The following CRISPLD2 variants were observed in gnomAD, a reference collection of about 807,000 sequenced individuals.
CRISPLD2 encodes cysteine rich secretory protein LCCL domain containing 2, also known as cysteine-rich secretory protein LCCL domain-containing 2.
Under a neutral mutation model 71.1 loss-of-function variants are expected in CRISPLD2, and 47 were observed. That is an observed-to-expected ratio of 0.66 (90% CI 0.52 to 0.84). The LOEUF (loss-of-function observed/expected upper bound fraction) is 0.84. CRISPLD2 is among the 40% of genes least tolerant of loss of function. The probability of loss-of-function intolerance (pLI) is 0.00; values close to 1 mark genes in which losing one functional copy is unlikely to be tolerated. For synonymous variants in CRISPLD2, 317 were observed against 250.1 expected (o/e 1.27, Z -2.52); for missense variants, 830 against 651.1 (o/e 1.27, Z -2.99).
intron 14 of CRISPLD2, 31 bp downstream of exon 14, chr16:84,889,394 C>A: frequency 1.9e-6 from 3 of 1,584,472 alleles, no homozygotes; most frequent in Non-Finnish European, 2.6e-6. Context: ...CCTTGACACC[C>A]AATCCCGGCT....
intron 1 of CRISPLD2, among the ~76,000 whole-genome samples, chr16:84,831,988 G>A (rs1567678922): frequency 1.3e-5 from 2 of 152,228 alleles, no homozygotes; most frequent in Non-Finnish European, 2.9e-5. Flanking sequence ...ACCCACCTTG[G>A]CCTCCCAACG....
At position 84,907,755 on chromosome 16, in the gene CRISPLD2, C is replaced by T. The variant is rs2071817145; in HGVS notation, c.*1113C>T. ...AGCAGCTCAGTTTGTGGTTATGAAA[C>T]CGTCTGTGGCCTCATGACAGCGAGA... is the stretch of plus-strand genomic sequence containing the variant. On this transcript the variant is annotated 3_prime_UTR_variant, in exon 15 of 15. Coordinates refer to ENST00000262424, the MANE Select transcript of CRISPLD2 (RefSeq NM_031476.4). 6.6e-6 allele frequency: 1 copy of T among 152,202 alleles called. No individual in the cohort carries two copies. The highest frequency in any genetic ancestry group is 2.1e-4 in the South Asian group (1 of 4,824). The allele number at this position is 152,202 out of a possible 1,614,324, so 9.4% of individuals were successfully genotyped here. A position where few individuals can be genotyped will look rare whatever the true frequency, so the allele number is the denominator to read the frequency against.
At chr16:84,857,077 G>A (rs545057174) in intron 6 of CRISPLD2, among the ~76,000 whole-genome samples, 28 of 152,352 alleles carry the variant, frequency 1.8e-4, no homozygotes, top group African/African-American at 6.7e-4. Context: ...TGATCACCCC[G>A]AGGAATGGTG....
In CRISPLD2 at chr16:84,899,246, T is replaced by G. The variant is rs7187464; in HGVS notation, c.1440-7342T>G. ...GTTTAGTGCTCTTTATGAAAGTTGC[T>G]TGATACACTTGATAAAAAGTCCAAT... On this transcript the variant is annotated intron_variant, in intron 14 of 14. Coordinates refer to ENST00000262424, the MANE Select transcript of CRISPLD2 (RefSeq NM_031476.4). Among the ~76,000 whole-genome samples the G allele has an allele frequency of 2.7e-3, 413 of 152,336 alleles. 1 individual carries two copies. The highest frequency in any genetic ancestry group is 9.4e-3 in the African/African-American group (389 of 41,568).
At chr16:84,863,965 A>G (rs1917463425) in intron 6 of CRISPLD2, among the ~76,000 whole-genome samples, 1 of 150,252 alleles carries the variant, frequency 6.7e-6, no homozygotes, top group Non-Finnish European at 1.5e-5. Context: ...CTCAAAAAAA[A>G]AAAAAAAAAA....
chr16:84,872,918 T>G (rs2071483735), intron 9 of CRISPLD2, 74 bp from the exon 10 acceptor site: 1 of 1,529,694 alleles, frequency 6.5e-7, no homozygotes, highest in Non-Finnish European at 8.8e-7. Context: ...AGGACAAATG[T>G]TTGGGTATTT....
At chr16:84,889,702 G>A (rs944394313) in intron 14 of CRISPLD2, among the ~76,000 whole-genome samples, 3 of 151,972 alleles carry the variant, frequency 2.0e-5, no homozygotes, top group Non-Finnish European at 4.4e-5. Context: ...CATCAGCTGG[G>A]AGAATTTACT....
At chr16:84,852,457 C>A (rs113931433) in intron 5 of CRISPLD2, among the ~76,000 whole-genome samples, 308 of 152,334 alleles carry the variant, frequency 2.0e-3, no homozygotes, top group African/African-American at 7.2e-3. Context: ...CTCCCTGTAC[C>A]CCCAAATGGT....
intron 8 of CRISPLD2, among the ~76,000 whole-genome samples, chr16:84,871,703 C>G (rs899173238): frequency 2.6e-5 from 4 of 152,010 alleles, no homozygotes; most frequent in Non-Finnish European, 5.9e-5. Flanking sequence ...AGGTGCCTGC[C>G]ACCACACGCG....
intron 14 of CRISPLD2, among the ~76,000 whole-genome samples, chr16:84,905,400 GT>G (rs879580261): frequency 1.3e-5 from 2 of 149,164 alleles, no homozygotes; most frequent in Non-Finnish European, 3.0e-5. Context: ...AGTTGGTTTG[GT>G]TTTTTTTTTG....
Position 84,872,960 on chromosome 16 carries a change from G to A in CRISPLD2, c.982-32G>A, listed in dbSNP as rs111874417. ...AAACTTGCTGACAGAGGTTGAGAAT[G>A]TGCCTCTGGTCTTCTCTTCCCTTCC... On this transcript the variant is annotated intron_variant, in intron 9 of 14. Coordinates refer to ENST00000262424, the MANE Select transcript of CRISPLD2 (RefSeq NM_031476.4). 1.7e-5 allele frequency: 27 copies of A among 1,583,996 alleles called. No homozygotes were observed. The African/African-American group carries it at 1.8e-4, about 10-fold the overall frequency.
At chr16:84,856,355 C>T (rs1024082974) in intron 6 of CRISPLD2, among the ~76,000 whole-genome samples, 2 of 152,216 alleles carry the variant, frequency 1.3e-5, no homozygotes, top group African/African-American at 4.8e-5. Context: ...CCCCAGCCAA[C>T]ACTGTAACTC....
intron 14 of CRISPLD2, among the ~76,000 whole-genome samples, chr16:84,904,612 AAAAAATT>A (rs1365780748): frequency 6.6e-6 from 1 of 151,274 alleles, no homozygotes; most frequent in Non-Finnish European, 1.5e-5. Flanking sequence ...AAATTTAAAA[AAAAAATT>A]AAAAAAAAAA....
rs1480911447 is a variant in CRISPLD2 at position 84,877,518 on chromosome 16, G to C, written c.1229+8G>C. On this transcript the variant is annotated splice_region_variant and intron_variant, in intron 12 of 14. Transcript: ENST00000262424. ...AGCAACTCACTGCCCAAGGTAAGGCGGGCCTGATCTGTCATCTTTTCTATG... is the reference window on the plus strand; with the variant it reads ...AGCAACTCACTGCCCAAGGTAAGGCCGGCCTGATCTGTCATCTTTTCTATG... The C allele has an allele frequency of 5.6e-6, 9 of 1,613,388 alleles. No homozygotes were observed. In the South Asian group the frequency reaches 9.9e-5, roughly 18 times the overall value.
intron 2 of CRISPLD2, 134 bp downstream of exon 2, chr16:84,838,869 G>C: frequency 8.9e-7 from 1 of 1,128,136 alleles, no homozygotes; most frequent in Non-Finnish European, 1.3e-6. Flanking sequence ...TCTGGCAGGG[G>C]AGGATCCCGG....
At chr16:84,868,119 C>A (rs1173689670) in intron 7 of CRISPLD2, among the ~76,000 whole-genome samples, 3 of 152,186 alleles carry the variant, frequency 2.0e-5, no homozygotes, top group African/African-American at 4.8e-5. Context: ...GAGCCCCTCT[C>A]TTCTTTTCAT....
At chr16:84,875,540 C>CT (rs1175390745) in intron 11 of CRISPLD2, among the ~76,000 whole-genome samples, 3 of 148,120 alleles carry the variant, frequency 2.0e-5, no homozygotes, top group African/African-American at 5.0e-5. Flanking sequence ...GACACCCTTG[C>CT]TTTTTTTATT....
chr16:84,896,634 G>A (rs1009003843), intron 14 of CRISPLD2, among the ~76,000 whole-genome samples: 2 of 152,124 alleles, frequency 1.3e-5, no homozygotes, highest in African/African-American at 2.4e-5. Flanking sequence ...GAAGGTAGGC[G>A]AGGCTGAGCT....
At position 84,880,639 on chromosome 16, in the gene CRISPLD2, C is replaced by T. The variant is rs369030840; in HGVS notation, c.1305+55C>T. On this transcript the variant is annotated intron_variant, in intron 13 of 14. Transcript: ENST00000262424. The stretch of plus-strand genomic sequence containing the variant: ...TCGCAAAGCCTGTTAAAGACCTCAA[C>T]ATGCAAGCTCCAAGATCTGGATACT... 40 of 1,346,580 alleles carry T rather than the reference C, an allele frequency of 3.0e-5. No homozygotes were observed. The African/African-American group carries it at 5.5e-4, about 18-fold the overall frequency. The allele number at this position is 1,346,580 out of a possible 1,614,324, so 83.4% of individuals were successfully genotyped here.
Sources: allele counts gnomAD v4.1 joint callset (sites outside exome capture counted in the v4.1 genomes callset), GRCh38; gene constraint gnomAD v4.1.1; transcripts MANE v1.5; gene names NCBI Gene and HGNC (gene_info 2026-07-23, HGNC 2026-07-21).